EFCAB3: variants seen among roughly 807,000 people sequenced by gnomAD.
EFCAB3 encodes EF-hand calcium-binding domain-containing protein 3.
In EFCAB3, 36 loss-of-function variants were observed where a neutral mutation model predicts 42.2. That is an observed-to-expected ratio of 0.85 (90% CI 0.65 to 1.13). The LOEUF is 1.13. Ranked by LOEUF, EFCAB3 falls within the 50% of genes most tolerant of loss-of-function variation. The pLI, the probability that EFCAB3 is intolerant of heterozygous loss-of-function variation, is 0.00. For missense variants in EFCAB3, 418 were observed against 505.1 expected (o/e 0.83, Z 1.65); for synonymous variants, 170 against 172.8 (o/e 0.98, Z 0.13).
At chr17:62,374,467 T>G (rs781731050) in intron 2 of EFCAB3, among the ~76,000 whole-genome samples, 4 of 152,054 alleles carry the variant, frequency 2.6e-5, no homozygotes, top group African/African-American at 9.7e-5. Flanking sequence ...TCTCAAAAAA[T>G]AAATAAATAA....
chr17:62,371,706 G>A (rs1011927430), intron 1 of EFCAB3, among the ~76,000 whole-genome samples: 4 of 152,180 alleles, frequency 2.6e-5, no homozygotes, highest in African/African-American at 9.7e-5. Context: ...AAAATAAAAT[G>A]AGTATTAGGA....
chr17:62,395,117 A>T lies in EFCAB3; in HGVS notation c.417A>T (p.Leu139=). 2 of 1,614,134 alleles carry T rather than the reference A, an allele frequency of 1.2e-6. No individual in the cohort carries two copies. The highest frequency in any genetic ancestry group is 1.7e-6 in the Non-Finnish European group (2 of 1,180,020). ...CLDLAGNPGI[L]LFEILSRLLE... ...ATTTGGCTGGCAACCCAGGAATCCT[A>T]TTGTTTGAAATCCTATCAAGGCTTC... The change falls in exon 6 of 10, where the codon CTA becomes CTT. Residue 139 remains leucine, a synonymous_variant. Transcript: ENST00000305286.
At chr17:62,381,834 G>A (rs2070203345) in intron 1 of EFCAB3, 1 of 435,462 alleles carries the variant, frequency 2.3e-6, no homozygotes, top group Non-Finnish European at 4.6e-6. Flanking sequence ...AGATGTCATT[G>A]CCCAGGGTAT....
chr17:62,391,698 T>C, intron 3 of EFCAB3, 124 bp from the exon 4 acceptor site: 1 of 1,087,024 alleles, frequency 9.2e-7, no homozygotes, highest in Non-Finnish European at 1.3e-6. Flanking sequence ...TAAGCACTCA[T>C]TTTTTTCGCA....
Position 62,397,601 on chromosome 17 carries a change from G to T in EFCAB3, c.488+2413G>T, listed in dbSNP as rs142502665. The T allele has an allele frequency of 5.6e-5, 34 of 605,086 alleles. No homozygotes were observed. In the East Asian group the frequency reaches 1.3e-3, roughly 24 times the overall value. 37.5% of individuals were successfully genotyped at this position (605,086 alleles called of 1,614,324 possible). A position where few individuals can be genotyped will look rare whatever the true frequency, so the allele number is the denominator to read the frequency against. ...GGTTGAAACCAAACAGCCAAATTCT[G>T]CCATCAGGAAGTGTGCCAGCATCCA... On this transcript the variant is annotated intron_variant, in intron 6 of 9. Transcript: ENST00000305286.
intron 1 of EFCAB3, among the ~76,000 whole-genome samples, chr17:62,370,760 C>A (rs936856875): frequency 6.6e-6 from 1 of 151,978 alleles, no homozygotes; most frequent in Non-Finnish European, 1.5e-5. Context: ...CAAACTTAAA[C>A]GTGCATATGA....
At chr17:62,383,145 C>G (rs908288889) in intron 2 of EFCAB3, 92 bp downstream of exon 2, 2 of 1,222,594 alleles carry the variant, frequency 1.6e-6, no homozygotes. Flanking sequence ...GCAGGTTTTC[C>G]GATCTTTACT....
chr17:62,416,162 G>A lies in EFCAB3; in HGVS notation c.1150G>A (p.Val384Ile), dbSNP rs149874666. 3 of 1,613,862 alleles carry A rather than the reference G, an allele frequency of 1.9e-6. No individual in the cohort carries two copies. The highest frequency in any genetic ancestry group is 2.5e-6 in the Non-Finnish European group (3 of 1,179,872). Residue 384 changes from valine to isoleucine, a missense_variant, in exon 10 of 10, where the codon GTT becomes ATT. Transcript: ENST00000305286. Reference protein sequence around the residue: ...TFSTYTWSWNVCQELLSPKDL... With the variant: ...TFSTYTWSWNICQELLSPKDL... ...TTCTACTTATACATGGTCCTGGAATGTTTGCCAAGAATTACTTTCTCCTAA... is the reference window on the plus strand; with the variant it reads ...TTCTACTTATACATGGTCCTGGAATATTTGCCAAGAATTACTTTCTCCTAA...
chr17:62,394,835 A>G (rs1487244870), intron 5 of EFCAB3, among the ~76,000 whole-genome samples: 2 of 152,202 alleles, frequency 1.3e-5, no homozygotes, highest in African/African-American at 4.8e-5. Context: ...TGTTAAAAAT[A>G]TTACTATGTT....
exon 1 of EFCAB3, chr17:62,370,234 T>A: frequency 1.3e-6 from 2 of 1,534,400 alleles, no homozygotes; most frequent in Non-Finnish European, 1.8e-6. Context: ...GTGATTGATG[T>A]CCAGAACTTA....
chr17:62,398,785 G>A (rs1002665743), intron 6 of EFCAB3, among the ~76,000 whole-genome samples: 2 of 152,092 alleles, frequency 1.3e-5, no homozygotes, highest in Non-Finnish European at 2.9e-5. Context: ...TAAATATACG[G>A]AAGTAACATA....
intron 6 of EFCAB3, among the ~76,000 whole-genome samples, chr17:62,403,074 C>T (rs568290066): frequency 1.6e-4 from 25 of 152,224 alleles, no homozygotes; most frequent in African/African-American, 4.1e-4. Flanking sequence ...AGTTTATTTG[C>T]GTAGAGGTGT....
intron 2 of EFCAB3, among the ~76,000 whole-genome samples, chr17:62,385,785 T>TCAC (rs2070243839): frequency 6.7e-6 from 1 of 149,750 alleles, no homozygotes; most frequent in Non-Finnish European, 1.5e-5. Flanking sequence ...AGTGACGTGA[T>TCAC]CTCTGCTCAC....
intron 1 of EFCAB3, among the ~76,000 whole-genome samples, chr17:62,372,229 T>G (rs2070119368): frequency 6.6e-6 from 1 of 152,174 alleles, no homozygotes; most frequent in African/African-American, 2.4e-5. Context: ...TTTCTTCCTT[T>G]TTTGCCTATA....
chr17:62,403,380 A>G (rs2144101251), intron 6 of EFCAB3, among the ~76,000 whole-genome samples: 1 of 152,350 alleles, frequency 6.6e-6, no homozygotes, highest in Admixed American at 6.5e-5. Context: ...ACTTAACTGT[A>G]GTATCCTGCC....
At chr17:62,408,724 A>G (rs1256731073) in intron 8 of EFCAB3, among the ~76,000 whole-genome samples, 1 of 152,198 alleles carries the variant, frequency 6.6e-6, no homozygotes, top group Non-Finnish European at 1.5e-5. Flanking sequence ...TCACTGATCT[A>G]GGCTCTCATT....
intron 6 of EFCAB3, among the ~76,000 whole-genome samples, chr17:62,399,039 T>A (rs1321643124): frequency 6.6e-6 from 1 of 152,114 alleles, no homozygotes; most frequent in Non-Finnish European, 1.5e-5. Flanking sequence ...CTCTGCCTGC[T>A]GAACAGCCTA....
intron 6 of EFCAB3, among the ~76,000 whole-genome samples, chr17:62,399,893 G>A (rs1347098566): frequency 6.6e-6 from 1 of 152,072 alleles, no homozygotes; most frequent in Non-Finnish European, 1.5e-5. Flanking sequence ...AGTTCCATGA[G>A]AACAGGAATT....
At chr17:62,375,555 A>C (rs2070143822), upstream of EFCAB3, among the ~76,000 whole-genome samples, 1 of 152,234 alleles carries the variant, frequency 6.6e-6, no homozygotes, top group Non-Finnish European at 1.5e-5. Context: ...AGTACACAGT[A>C]TATGCTCAAT....
Sources: allele counts gnomAD v4.1 joint callset (sites outside exome capture counted in the v4.1 genomes callset), GRCh38; gene constraint gnomAD v4.1.1; transcripts MANE v1.5; gene names NCBI Gene and HGNC (gene_info 2026-07-23, HGNC 2026-07-21).